DCAF1: variants seen among roughly 807,000 people sequenced by gnomAD.
DCAF1 encodes the protein DDB1 and CUL4 associated factor 1.
Under a neutral mutation model 128.0 loss-of-function variants are expected in DCAF1, and 15 were observed. That is an observed-to-expected ratio of 0.12 (90% CI 0.08 to 0.18). The LOEUF is 0.18. Ranked by LOEUF, DCAF1 falls within the 10% of genes least tolerant of loss-of-function variation. The probability of loss-of-function intolerance (pLI) is 1.00; values close to 1 mark genes in which losing one functional copy is unlikely to be tolerated. For synonymous variants in DCAF1, 610 were observed against 603.0 expected (o/e 1.01, Z -0.17); for missense variants, 988 against 1,649.5 (o/e 0.60, Z 6.95).
intron 23 of DCAF1, among the ~76,000 whole-genome samples, chr3:51,406,126 G>A (rs1029828046): frequency 9.9e-5 from 15 of 151,826 alleles, no homozygotes; most frequent in South Asian, 4.2e-4. Flanking sequence ...GGCAGATCAC[G>A]AGGTAAGGAG....
chr3:51,494,226 T>C (rs1707990203), intron 2 of DCAF1, among the ~76,000 whole-genome samples: 1 of 150,700 alleles, frequency 6.6e-6, no homozygotes, highest in African/African-American at 2.4e-5. Context: ...GCCATTCTCC[T>C]GCTTCAGCCT....
downstream of DCAF1, chr3:51,397,343 G>C (rs146765417): frequency 1.8e-5 from 3 of 167,080 alleles, no homozygotes; most frequent in Non-Finnish European, 4.4e-5. Flanking sequence ...GGCCTCTGAA[G>C]TATCTTTCTA....
Position 51,420,344 on chromosome 3 carries a change from G to A in DCAF1, c.2626C>T (p.Leu876=). ...TATVLTKEAD[L]PMTAASHSSA... is the part of the protein sequence containing the mutation. Reference sequence around the variant, plus strand: ...GAATGGGAGGCAGCAGTCATGGGCAGGTCAGCCTCTTTTGTCAGCACGGTT... The same window carrying A: ...GAATGGGAGGCAGCAGTCATGGGCAAGTCAGCCTCTTTTGTCAGCACGGTT... The change falls in exon 15 of 25, where the codon CTG becomes TTG. Residue 876 remains leucine (L), a synonymous_variant. Transcript: ENST00000684031. The surrounding 1 kb of genome is among the most constrained non-coding windows in gnomAD (Gnocchi z 6.5). The A allele has an allele frequency of 6.2e-7, 1 of 1,614,062 alleles. No individual in the cohort carries two copies. Among genetic ancestry groups the A allele is most frequent in the Non-Finnish European group, 8.5e-7 (1 of 1,179,906 alleles).
rs782374728 is a variant in DCAF1, at chr3:51,466,893, G to T, written c.188-17C>A. Reference sequence around the variant, plus strand: ...CAGCTCGACCTACCAAGAGAAGAGGGGAGGAACAAACAAAGGAATGAGTAA... The same window carrying T: ...CAGCTCGACCTACCAAGAGAAGAGGTGAGGAACAAACAAAGGAATGAGTAA... On this transcript the variant is annotated splice_polypyrimidine_tract_variant and intron_variant, in intron 4 of 24. Transcript: ENST00000684031. 4.3e-6 allele frequency: 7 copies of T among 1,612,572 alleles called. No homozygotes were observed. The highest frequency in any genetic ancestry group is 8.5e-7 in the Non-Finnish European group (1 of 1,179,030).
In DCAF1 at chr3:51,420,809, T is replaced by C; in HGVS notation, c.2161A>G (p.Thr721Ala). Residue 721 changes from threonine to alanine, a missense_variant, in exon 15 of 25, where the codon ACC becomes GCC. Thr to Ala is a moderately conservative substitution (Grantham distance 58). This residue lies in a region of DCAF1 where 185 missense variants were observed against 248.1 expected (regional missense o/e 0.75). Transcript: ENST00000684031. The surrounding 1 kb of genome is among the most constrained non-coding windows in gnomAD (Gnocchi z 6.5). ...LPQNPKSSEH[T>A]LAKMWNVVQS... Reference sequence around the variant, plus strand: ...ACCACATTCCACATCTTGGCCAGGGTGTGCTCACTGCTTTTAGGGTTCTGA... The same window carrying C: ...ACCACATTCCACATCTTGGCCAGGGCGTGCTCACTGCTTTTAGGGTTCTGA... 2 of 1,614,026 alleles carry C rather than the reference T, an allele frequency of 1.2e-6. No individual in the cohort carries two copies. The highest frequency in any genetic ancestry group is 1.7e-6 in the Non-Finnish European group (2 of 1,179,896).
intron 6 of DCAF1, among the ~76,000 whole-genome samples, chr3:51,460,162 C>T (rs1423247476): frequency 4.1e-4 from 63 of 152,180 alleles, no homozygotes; most frequent in Middle Eastern, 3.4e-3. Flanking sequence ...AAAACCCCAT[C>T]GTCTCAGCCC....
At chr3:51,452,568 A>C (rs1292632596) in intron 6 of DCAF1, among the ~76,000 whole-genome samples, 1 of 152,210 alleles carries the variant, frequency 6.6e-6, no homozygotes, top group Non-Finnish European at 1.5e-5. Flanking sequence ...TCTTGCAGAA[A>C]GCTTTATTAT....
At position 51,443,761 on chromosome 3, in the gene DCAF1, C is replaced by T; in HGVS notation, c.513+5G>A. On this transcript the variant is annotated splice_donor_5th_base_variant and intron_variant, in intron 7 of 24. Coordinates refer to ENST00000684031, the MANE Select transcript of DCAF1 (RefSeq NM_001387579.1). ...TATAAAAATTTATTCTAACACAGTC[C>T]TTACCAGCTGTGAATTTTCATCTCT... 2 of 1,600,512 alleles carry T rather than the reference C, an allele frequency of 1.2e-6. No individual in the cohort carries two copies. Among genetic ancestry groups the T allele is most frequent in the Non-Finnish European group, 1.7e-6 (2 of 1,176,608 alleles).
chr3:51,432,917 C>G (rs1001804103), intron 10 of DCAF1, among the ~76,000 whole-genome samples, 189 bp downstream of exon 10: 3 of 152,170 alleles, frequency 2.0e-5, no homozygotes, highest in Non-Finnish European at 2.9e-5. Context: ...AAAATAGAAC[C>G]ATTTCTAAAC....
At chr3:51,407,036 T>C (rs1487517564) in intron 23 of DCAF1, among the ~76,000 whole-genome samples, 1 of 151,844 alleles carries the variant, frequency 6.6e-6, no homozygotes, top group African/African-American at 2.4e-5. Context: ...TCTACTAAAA[T>C]ACAAAATTAG....
chr3:51,414,188 T>C, intron 19 of DCAF1, 145 bp from the exon 20 acceptor site: 1 of 1,121,554 alleles, frequency 8.9e-7, no homozygotes, highest in Non-Finnish European at 1.2e-6. Flanking sequence ...CAAATACATG[T>C]AGAATGCATA....
rs566660727 is a variant in DCAF1 at position 51,455,299 on chromosome 3, T to C, written c.375+7815A>G. On this transcript the variant is annotated intron_variant, in intron 6 of 24. Transcript: ENST00000684031. ...CTCATCAAGAGTAAGAGTTTGACAT[T>C]ATAAATCCATTCCAGAAACACATGG... 1.2e-4 allele frequency among the ~76,000 whole-genome samples: 19 copies of C among 152,268 alleles called. No individual in the cohort carries two copies. The South Asian group carries it at 3.7e-3, about 30-fold the overall frequency.
intron 24 of DCAF1, 104 bp downstream of exon 24, chr3:51,403,039 G>C: frequency 1.4e-6 from 2 of 1,477,342 alleles, no homozygotes; most frequent in Non-Finnish European, 1.8e-6. Context: ...CAAATTATGG[G>C]GCACAGAACC....
intron 2 of DCAF1, among the ~76,000 whole-genome samples, chr3:51,494,926 A>T (rs1439299202): frequency 2.0e-5 from 3 of 152,116 alleles, no homozygotes; most frequent in African/African-American, 7.2e-5. Flanking sequence ...CATTTTCAGA[A>T]CTTCCAACTA....
intron 23 of DCAF1, among the ~76,000 whole-genome samples, chr3:51,408,971 T>C (rs1412782353): frequency 6.6e-6 from 1 of 152,184 alleles, no homozygotes; most frequent in Non-Finnish European, 1.5e-5. Context: ...GCTAGAAAGC[T>C]TTCCGGCTCT....
At chr3:51,460,345 A>T (rs1319672041) in intron 6 of DCAF1, among the ~76,000 whole-genome samples, 1 of 152,168 alleles carries the variant, frequency 6.6e-6, no homozygotes, top group Non-Finnish European at 1.5e-5. Flanking sequence ...TAGGAATCCA[A>T]CTTACAAGGG....
chr3:51,406,434 G>T (rs1488430930), intron 23 of DCAF1, among the ~76,000 whole-genome samples: 3 of 140,490 alleles, frequency 2.1e-5, no homozygotes, highest in Non-Finnish European at 4.7e-5. Flanking sequence ...CAGGGATATT[G>T]TTTTTTTTTT....
At chr3:51,481,819 C>A (rs1417233098) in intron 3 of DCAF1, among the ~76,000 whole-genome samples, 1 of 151,876 alleles carries the variant, frequency 6.6e-6, no homozygotes, top group Non-Finnish European at 1.5e-5. Context: ...GGCAAAACCC[C>A]ACCTCTACTA....
intron 6 of DCAF1, among the ~76,000 whole-genome samples, chr3:51,445,523 A>C (rs1701770743): frequency 6.6e-6 from 1 of 152,204 alleles, no homozygotes; most frequent in Non-Finnish European, 1.5e-5. Context: ...AGGCTAGTGA[A>C]CCAAAAGTTA....
Sources: gnomAD v4.1 joint callset for allele counts (sites outside exome capture counted in the v4.1 genomes callset) on GRCh38, gnomAD v4.1.1 for gene constraint, gnomAD v4.1.1 regional missense constraint, Gnocchi (gnomAD v3.1) non-coding constraint, MANE v1.5 for transcripts, NCBI Gene and HGNC (gene_info 2026-07-23, HGNC 2026-07-21) for gene names.